Variants in ERC2 observed in about 807,000 individuals in gnomAD.
ERC2 encodes ERC protein 2.
In ERC2, 42 loss-of-function variants were observed where a neutral mutation model predicts 114.8. The ratio of observed to expected loss-of-function variants is 0.37; its 90% CI spans 0.29 to 0.47. The LOEUF (loss-of-function observed/expected upper bound fraction) is 0.47. Among genes scored for constraint, ERC2 ranks in the 20% least tolerant of loss-of-function variants. ERC2 has a pLI of 0.99. For synonymous variants in ERC2, 454 were observed against 425.5 expected, an observed-to-expected ratio of 1.07 and a Z score of -0.82; for missense variants, 939 against 1,150.7, an observed-to-expected ratio of 0.82 and a Z score of 2.66.
chr3:56,404,792 A>G (rs1327193199), intron 2 of ERC2, among the ~76,000 whole-genome samples: 2 of 152,236 alleles, frequency 1.3e-5, no homozygotes, highest in Non-Finnish European at 2.9e-5. Context: ...GGAAAAAAGA[A>G]GTTTTCACAC....
At chr3:56,411,112 C>G (rs1412175304) in intron 2 of ERC2, among the ~76,000 whole-genome samples, 1 of 143,714 alleles carries the variant, frequency 7.0e-6, no homozygotes, top group Admixed American at 6.9e-5. Flanking sequence ...AAAACTCAAA[C>G]TACAATCAAT....
chr3:55,928,928 GATCT>G (rs888191711), intron 13 of ERC2, among the ~76,000 whole-genome samples: 21 of 152,126 alleles, frequency 1.4e-4, no homozygotes, highest in Admixed American at 5.2e-4. Context: ...TAGATGTCTG[GATCT>G]ATTTCCAGGT....
intron 3 of ERC2, among the ~76,000 whole-genome samples, chr3:56,292,434 A>T (rs2055151560): frequency 6.6e-6 from 1 of 151,738 alleles, no homozygotes; most frequent in African/African-American, 2.4e-5. Flanking sequence ...AAAAAAAAAA[A>T]AAAAAAATAG....
At chr3:55,755,863 T>C (rs1313619828) in intron 14 of ERC2, among the ~76,000 whole-genome samples, 1 of 152,222 alleles carries the variant, frequency 6.6e-6, no homozygotes, top group Non-Finnish European at 1.5e-5. Flanking sequence ...CAGAGTCACC[T>C]TCTCTGTTTC....
intron 17 of ERC2, among the ~76,000 whole-genome samples, chr3:55,545,690 C>T (rs2054695126): frequency 1.3e-5 from 2 of 152,154 alleles, no homozygotes; most frequent in Non-Finnish European, 2.9e-5. Context: ...TACACCAACA[C>T]TGCAAAGAAC....
chr3:56,233,635 AC>A (rs1455178698), intron 3 of ERC2, among the ~76,000 whole-genome samples: 74 of 151,998 alleles, frequency 4.9e-4, no homozygotes, highest in African/African-American at 1.5e-3. Flanking sequence ...AAAAAAAAAA[AC>A]ATTTTTGCTC....
intron 2 of ERC2, among the ~76,000 whole-genome samples, chr3:56,411,672 A>G (rs1205776910): frequency 6.6e-6 from 1 of 152,148 alleles, no homozygotes; most frequent in Non-Finnish European, 1.5e-5. Context: ...TCACCTTATG[A>G]CACTACTCTT....
At chr3:56,035,156 G>T (rs1344460374) in intron 7 of ERC2, among the ~76,000 whole-genome samples, 2 of 151,966 alleles carry the variant, frequency 1.3e-5, no homozygotes, top group African/African-American at 4.8e-5. Context: ...TGACACCACA[G>T]AAATACAAAG....
At chr3:55,583,443 C>CTTCCTTCCT (rs1559692630) in intron 17 of ERC2, among the ~76,000 whole-genome samples, 3 of 115,014 alleles carry the variant, frequency 2.6e-5, no homozygotes. Flanking sequence ...TCCTTCCTTC[C>CTTCCTTCCT]TCCCTCCCTC....
chr3:55,841,112 T>C (rs2061112705), intron 14 of ERC2, among the ~76,000 whole-genome samples: 1 of 152,224 alleles, frequency 6.6e-6, no homozygotes, highest in Non-Finnish European at 1.5e-5. Flanking sequence ...ATTTATTGTA[T>C]GTCAATCATA....
chr3:55,801,774 C>T (rs929850933), intron 14 of ERC2, among the ~76,000 whole-genome samples: 8 of 152,192 alleles, frequency 5.3e-5, no homozygotes, highest in Non-Finnish European at 7.3e-5. Context: ...AATTCCAAGA[C>T]GGTGATAGCA....
At chr3:56,399,747 T>C (rs949621287) in intron 2 of ERC2, among the ~76,000 whole-genome samples, 1 of 150,808 alleles carries the variant, frequency 6.6e-6, no homozygotes, top group Non-Finnish European at 1.5e-5. Context: ...TTCCAAAATT[T>C]AGCACAAACC....
At chr3:56,437,821 G>A (rs1043694075) in intron 1 of ERC2, among the ~76,000 whole-genome samples, 1 of 152,194 alleles carries the variant, frequency 6.6e-6, no homozygotes, top group Admixed American at 6.5e-5. Flanking sequence ...GCAGTTACAT[G>A]AATATTTAAT....
intron 2 of ERC2, among the ~76,000 whole-genome samples, chr3:56,328,260 A>G (rs773864114): frequency 6.6e-6 from 1 of 152,050 alleles, no homozygotes; most frequent in African/African-American, 2.4e-5. Context: ...GGCTTCCAAG[A>G]CCTCATAGGC....
intron 4 of ERC2, among the ~76,000 whole-genome samples, chr3:56,162,244 T>C (rs2082086510): frequency 6.6e-6 from 1 of 152,162 alleles, no homozygotes; most frequent in Non-Finnish European, 1.5e-5. Flanking sequence ...TACTTGATTG[T>C]GGTGAGTTAA....
intron 7 of ERC2, among the ~76,000 whole-genome samples, chr3:56,044,045 G>A (rs1208090115): frequency 1.3e-5 from 2 of 152,140 alleles, no homozygotes; most frequent in African/African-American, 4.8e-5. Context: ...CTGCAGACAG[G>A]CTTTACAATT....
chr3:55,765,989 A>G (rs981860701), intron 14 of ERC2, among the ~76,000 whole-genome samples: 2 of 152,216 alleles, frequency 1.3e-5, no homozygotes, highest in Admixed American at 6.5e-5. Flanking sequence ...GCTCAAGGAT[A>G]CTGTACTCCA....
rs114268826 is a variant in ERC2 at position 56,252,124 on chromosome 3, G to A, written c.1074+43895C>T. Among the ~76,000 whole-genome samples the A allele has an allele frequency of 5.0e-3, 766 of 152,240 alleles. 11 individuals carry two copies. The highest frequency in any genetic ancestry group is 0.017 in the African/African-American group (718 of 41,536). ...TCATCCTTAGCATTAAAATTCTCCT[G>A]TGGGAGGTCTGGAGGCTTCATGCTA... On this transcript the variant is annotated intron_variant, in intron 3 of 17. Transcript: ENST00000288221.
At chr3:56,231,431 C>T (rs989855598) in intron 3 of ERC2, among the ~76,000 whole-genome samples, 5 of 152,308 alleles carry the variant, frequency 3.3e-5, no homozygotes, top group South Asian at 2.1e-4. Flanking sequence ...CCAGTCAAAT[C>T]GCAACACATT....
Sources: allele counts gnomAD v4.1 joint callset (sites outside exome capture counted in the v4.1 genomes callset), GRCh38; gene constraint gnomAD v4.1.1; transcripts MANE v1.5; gene names NCBI Gene and HGNC (gene_info 2026-07-23, HGNC 2026-07-21).